MCPH1: variants seen among roughly 807,000 people sequenced by gnomAD.
MCPH1 encodes the protein microcephalin 1.
Under a neutral mutation model 84.5 loss-of-function variants are expected in MCPH1, and 104 were observed. The observed-to-expected ratio is 1.23, with a 90% CI of 1.05 to 1.45. The LOEUF (loss-of-function observed/expected upper bound fraction) is 1.45, where lower values mean the gene tolerates loss of function less well. Among genes scored for constraint, MCPH1 ranks in the 40% most tolerant of loss-of-function variants. The pLI is 0.00. For synonymous variants in MCPH1, 514 were observed against 366.8 expected (o/e 1.40, Z -4.58); for missense variants, 1,498 against 1,005.7 (o/e 1.49, Z -6.62).
chr8:6,516,816 C>G (rs985184860), intron 12 of MCPH1, among the ~76,000 whole-genome samples: 2 of 152,146 alleles, frequency 1.3e-5, no homozygotes, highest in African/African-American at 2.4e-5. Context: ...GTTACCAGTA[C>G]TTAAATACAT....
chr8:6,534,513 C>T (rs1188080329), intron 12 of MCPH1, among the ~76,000 whole-genome samples: 1 of 152,086 alleles, frequency 6.6e-6, no homozygotes, highest in East Asian at 1.9e-4. Context: ...AAGCCATCCA[C>T]CCGCCTCAGC....
intron 8 of MCPH1, among the ~76,000 whole-genome samples, chr8:6,448,282 C>T (rs967507441): frequency 2.6e-5 from 4 of 152,168 alleles, no homozygotes; most frequent in African/African-American, 9.7e-5. Flanking sequence ...TGTCAAAATC[C>T]ATGTTTCAGC....
chr8:6,548,938 T>A (rs555635253), intron 12 of MCPH1, among the ~76,000 whole-genome samples: 1 of 152,224 alleles, frequency 6.6e-6, no homozygotes, highest in Non-Finnish European at 1.5e-5. Context: ...TAACCTCTGG[T>A]TATAACCTGG....
intron 12 of MCPH1, among the ~76,000 whole-genome samples, chr8:6,600,560 C>T (rs2959788): frequency 1.8e-4 from 27 of 152,242 alleles, no homozygotes; most frequent in Admixed American, 6.5e-4. Context: ...GACTGAGGCA[C>T]GTTAGGCTTG....
At position 6,422,942 on chromosome 8, in the gene MCPH1, T is replaced by C. The variant is rs552063436; in HGVS notation, c.233+8059T>C. On this transcript the variant is annotated intron_variant, in intron 3 of 13. Transcript: ENST00000344683. Reference sequence around the variant, plus strand: ...TGACCTTGTGATCCGCCCTCCTCGGTCTCCCAAAGTGCTAGGATTACAGGC... The same window carrying C: ...TGACCTTGTGATCCGCCCTCCTCGGCCTCCCAAAGTGCTAGGATTACAGGC... 3.9e-3 allele frequency among the ~76,000 whole-genome samples: 587 copies of C among 148,628 alleles called. 5 individuals are homozygous for C. Among genetic ancestry groups the C allele is most frequent in the African/African-American group, 0.014 (536 of 38,902 alleles).
intron 9 of MCPH1, among the ~76,000 whole-genome samples, chr8:6,471,898 C>G (rs1807773739): frequency 6.6e-6 from 1 of 152,190 alleles, no homozygotes; most frequent in African/African-American, 2.4e-5. Flanking sequence ...AAACAGAAAT[C>G]TGTAGGTGAC....
chr8:6,592,195 C>G (rs138076752), intron 12 of MCPH1, among the ~76,000 whole-genome samples: 4,409 of 152,170 alleles, frequency 0.029, 99 homozygotes, highest in South Asian at 0.077. Context: ...TTCTGTCACC[C>G]AAACTGGAGT....
At chr8:6,609,669 C>T (rs1830083991) in intron 12 of MCPH1, among the ~76,000 whole-genome samples, 1 of 152,202 alleles carries the variant, frequency 6.6e-6, no homozygotes, top group African/African-American at 2.4e-5. Context: ...TCCTGATGCG[C>T]TTTTACTTTT....
intron 12 of MCPH1, among the ~76,000 whole-genome samples, chr8:6,584,786 G>A (rs1827838811): frequency 6.6e-6 from 1 of 152,168 alleles, no homozygotes; most frequent in African/African-American, 2.4e-5. Flanking sequence ...TTAGCTATTT[G>A]GGGAAGTCCT....
At chr8:6,409,047 G>C (rs933338892) in intron 1 of MCPH1, among the ~76,000 whole-genome samples, 1 of 151,954 alleles carries the variant, frequency 6.6e-6, no homozygotes, top group African/African-American at 2.4e-5. Flanking sequence ...ACCATGCTCG[G>C]CTAATTTTTT....
chr8:6,538,770 G>C (rs757407250), intron 12 of MCPH1, among the ~76,000 whole-genome samples: 1 of 152,132 alleles, frequency 6.6e-6, no homozygotes, highest in Non-Finnish European at 1.5e-5. Flanking sequence ...TGCTTGCTTG[G>C]TGAAGAGTGA....
intron 12 of MCPH1, among the ~76,000 whole-genome samples, chr8:6,517,536 A>G (rs1816496021): frequency 6.6e-6 from 1 of 152,216 alleles, no homozygotes; most frequent in Non-Finnish European, 1.5e-5. Flanking sequence ...CTCAAAGACC[A>G]ATTGAACATT....
At chr8:6,623,045 G>T (rs1481882728) in intron 13 of MCPH1, among the ~76,000 whole-genome samples, 2 of 146,504 alleles carry the variant, frequency 1.4e-5, no homozygotes, top group Admixed American at 1.4e-4. Context: ...TAGAGATGGG[G>T]TCTCCCTATG....
intron 12 of MCPH1, chr8:6,617,232 G>A (rs1171687770): frequency 7.4e-6 from 1 of 135,320 alleles, no homozygotes; most frequent in Admixed American, 7.4e-5. Flanking sequence ...TTTTATACCT[G>A]TATGAAAGTT....
chr8:6,625,571 A>T, intron 13 of MCPH1: 1 of 984,686 alleles, frequency 1.0e-6, no homozygotes, highest in Non-Finnish European at 1.2e-6. Flanking sequence ...ATACTCAAAA[A>T]AAAATCAATT....
At chr8:6,427,928 A>G (rs2979660) in intron 3 of MCPH1, among the ~76,000 whole-genome samples, 2,222 of 151,678 alleles carry the variant, frequency 0.015, 57 homozygotes, top group African/African-American at 0.05. Flanking sequence ...GAGTAGCTGG[A>G]ATTACAGGCA....
rs747458744 is a variant in MCPH1 at position 6,406,740 on chromosome 8, A to C, written c.22+51A>C. 8.1e-6 allele frequency: 13 copies of C among 1,601,786 alleles called. No individual in the cohort carries two copies. The South Asian group carries it at 1.3e-4, about 16-fold the overall frequency. Reference sequence around the variant, plus strand: ...CAGCAGCGGGAGTTTGAGGACCGGCACCCCTCGTCGCGGGCGCACTCGGGG... The same window carrying C: ...CAGCAGCGGGAGTTTGAGGACCGGCCCCCCTCGTCGCGGGCGCACTCGGGG... On this transcript the variant is annotated intron_variant, in intron 1 of 13. Coordinates refer to ENST00000344683, the MANE Select transcript of MCPH1 (RefSeq NM_024596.5).
chr8:6,428,679 A>T (rs1034863116), intron 3 of MCPH1, among the ~76,000 whole-genome samples: 2 of 152,142 alleles, frequency 1.3e-5, no homozygotes, highest in African/African-American at 4.8e-5. Context: ...GTATGTTGTC[A>T]TCTGTATTAG....
intron 12 of MCPH1, among the ~76,000 whole-genome samples, chr8:6,605,624 T>C (rs1246428288): frequency 6.6e-6 from 1 of 152,246 alleles, no homozygotes; most frequent in East Asian, 1.9e-4. Flanking sequence ...TGGCTGCTGA[T>C]CTGGGCCTTC....
Sources: gnomAD v4.1 joint callset for allele counts (sites outside exome capture counted in the v4.1 genomes callset) on GRCh38, gnomAD v4.1.1 for gene constraint, MANE v1.5 for transcripts, NCBI Gene and HGNC (gene_info 2026-07-23, HGNC 2026-07-21) for gene names.